The following ZNF474 variants were observed in gnomAD, a reference collection of about 807,000 sequenced individuals.
ZNF474 encodes the protein zinc finger protein 474.
For missense variants in ZNF474, 511 were observed against 433.8 expected, an observed-to-expected ratio of 1.18 and a Z score of -1.58; for synonymous variants, 192 against 162.2, an observed-to-expected ratio of 1.18 and a Z score of -1.39.
In ZNF474 at chr5:122,141,300, A is replaced by ATTTTTTTTTTTT. The variant is rs368273210; in HGVS notation, c.-212-10465_-212-10454dup. Among the ~76,000 whole-genome samples, 36 of 64,364 alleles carry ATTTTTTTTTTTT rather than the reference A, an allele frequency of 5.6e-4. 1 individual carries two copies. The highest frequency in any genetic ancestry group is 2.4e-3 in the African/African-American group (33 of 13,590). The allele number at this position is 64,364 out of a possible 152,430, so 42.2% of individuals were successfully genotyped here. A position where few individuals can be genotyped will look rare whatever the true frequency, so the allele number is the denominator to read the frequency against. The stretch of plus-strand genomic sequence containing the variant: ...CGAGTAGCTGGGATTACCCCTGGCT[A>ATTTTTTTTTTTT]TTTTTTTTTTTTTTTTTTTTTTTTT... On this transcript the variant is annotated intron_variant, in intron 1 of 1. Transcript: ENST00000296600.
chr5:122,140,094 A>G (rs1241914140), intron 1 of ZNF474, among the ~76,000 whole-genome samples: 1 of 152,226 alleles, frequency 6.6e-6, no homozygotes, highest in African/African-American at 2.4e-5. Flanking sequence ...GAGCTCTTCT[A>G]GACCCTGGAA....
intron 1 of ZNF474, among the ~76,000 whole-genome samples, chr5:122,137,015 C>A (rs575793803): frequency 2.0e-5 from 3 of 152,260 alleles, no homozygotes; most frequent in South Asian, 4.1e-4. Flanking sequence ...AAATATTACA[C>A]ATGCAAACAA....
chr5:122,152,114 T>C lies in ZNF474; in HGVS notation c.124T>C (p.Ser42Pro), dbSNP rs764456936. The C allele has an allele frequency of 2.5e-6, 4 of 1,614,156 alleles. No individual in the cohort carries two copies. Among genetic ancestry groups the C allele is most frequent in the Non-Finnish European group, 3.4e-6 (4 of 1,180,024 alleles). Reference sequence around the variant, plus strand: ...CTCTAGTGACTCCTATTCTAGCCTTTCCCCAGAAACAGAGAGTGTTAATCC... The same window carrying C: ...CTCTAGTGACTCCTATTCTAGCCTTCCCCCAGAAACAGAGAGTGTTAATCC... ...LLSSDSYSSL[S>P]PETESVNPGE... Residue 42 changes from serine (S) to proline (P), a missense_variant, in exon 2 of 2, where the codon TCC (serine) becomes CCC (proline). Transcript: ENST00000296600.
At chr5:122,136,311 T>C (rs1463438375) in intron 1 of ZNF474, among the ~76,000 whole-genome samples, 4 of 151,946 alleles carry the variant, frequency 2.6e-5, no homozygotes, top group Admixed American at 2.0e-4. Context: ...AAAAAGAAGA[T>C]ATCTGATTTC....
At chr5:122,134,977 C>G (rs1755667058) in intron 1 of ZNF474, among the ~76,000 whole-genome samples, 1 of 152,086 alleles carries the variant, frequency 6.6e-6, no homozygotes, top group African/African-American at 2.4e-5. Context: ...GCACAGGCAA[C>G]CAAAACAAAA....
Position 122,152,093 on chromosome 5 carries a change from A to G in ZNF474, c.103A>G (p.Ser35Gly). ...TATCAACCAAGCTGGGCTTCTCTCT[A>G]GTGACTCCTATTCTAGCCTTTCCCC... ...FLINQAGLLS[S>G]DSYSSLSPET... The change falls in exon 2 of 2, where the codon AGT (serine) becomes GGT (glycine). Residue 35 changes from serine (S) to glycine (G), a missense_variant. Coordinates refer to ENST00000296600, the MANE Select transcript of ZNF474 (RefSeq NM_207317.3). 1.2e-6 allele frequency: 2 copies of G among 1,614,186 alleles called. No homozygotes were observed. The highest frequency in any genetic ancestry group is 2.2e-5 in the South Asian group (2 of 91,086).
intron 1 of ZNF474, among the ~76,000 whole-genome samples, chr5:122,144,972 T>C (rs1002929064): frequency 6.6e-6 from 1 of 152,188 alleles, no homozygotes. Context: ...GTAGTTTTCA[T>C]AGGGTGATAT....
Position 122,151,705 on chromosome 5 carries a change from A to ATGTCTGTGTGTGTGTGTGTG in ZNF474, c.-212-71_-212-70insCTGTGTGTGTGTGTGTGTGT, listed in dbSNP as rs58814754. 941 of 206,078 alleles carry ATGTCTGTGTGTGTGTGTGTG rather than the reference A, an allele frequency of 4.6e-3. 15 individuals are homozygous for ATGTCTGTGTGTGTGTGTGTG. The highest frequency in any genetic ancestry group is 0.021 in the African/African-American group (854 of 40,428). 12.8% of individuals were successfully genotyped at this position (206,078 alleles called of 1,614,324 possible). A position where few individuals can be genotyped will look rare whatever the true frequency, so the allele number is the denominator to read the frequency against. ...CACACACACACACAAAACAACCTAAATGTGTGTGTGTGTGTGTGTGTGTGT... is the reference window on the plus strand; with the variant it reads ...CACACACACACACAAAACAACCTAAATGTCTGTGTGTGTGTGTGTGTGTGTGTGTGTGTGTGTGTGTGTGT... On this transcript the variant is annotated intron_variant, in intron 1 of 1. Transcript: ENST00000296600.
rs145331941 is a variant in ZNF474 at position 122,150,687 on chromosome 5, C to T, written c.-212-1092C>T. Among the ~76,000 whole-genome samples the T allele has an allele frequency of 4.5e-3, 684 of 152,238 alleles. 1 individual carries two copies. Among genetic ancestry groups the T allele is most frequent in the Non-Finnish European group, 6.0e-3 (410 of 68,016 alleles). On this transcript the variant is annotated intron_variant, in intron 1 of 1. Coordinates refer to ENST00000296600, the MANE Select transcript of ZNF474 (RefSeq NM_207317.3). ...TTTGGGGAGCCAGATTATAAACCCA[C>T]GGTAAAATTTACTCATAACTTTTCC...
chr5:122,137,988 A>G (rs1236078440), intron 1 of ZNF474, among the ~76,000 whole-genome samples: 1 of 152,246 alleles, frequency 6.6e-6, no homozygotes, highest in African/African-American at 2.4e-5. Context: ...CAGGCAAAAC[A>G]GCCAAAAGGA....
At chr5:122,141,300 A>ACTT (rs1755839307) in intron 1 of ZNF474, among the ~76,000 whole-genome samples, 7 of 64,362 alleles carry the variant, frequency 1.1e-4, no homozygotes, top group Admixed American at 2.4e-4. Context: ...ACCCCTGGCT[A>ACTT]TTTTTTTTTT....
chr5:122,131,416 T>C (rs1755574287), intron 1 of ZNF474, among the ~76,000 whole-genome samples: 1 of 152,044 alleles, frequency 6.6e-6, no homozygotes, highest in Non-Finnish European at 1.5e-5. Context: ...AAATTATCTA[T>C]CAACAGATAA....
intron 1 of ZNF474, among the ~76,000 whole-genome samples, chr5:122,149,831 G>A (rs539919546): frequency 6.6e-6 from 1 of 151,958 alleles, no homozygotes; most frequent in South Asian, 2.1e-4. Context: ...GGGGTTGCTG[G>A]GGAAAGTCAT....
At chr5:122,138,887 ACAAT>A (rs1169518322) in intron 1 of ZNF474, among the ~76,000 whole-genome samples, 1 of 152,182 alleles carries the variant, frequency 6.6e-6, no homozygotes, top group Non-Finnish European at 1.5e-5. Context: ...TATTTTCTTG[ACAAT>A]CAAGTATACA....
At position 122,152,717 on chromosome 5, in the gene ZNF474, T is replaced by C; in HGVS notation, c.727T>C (p.Cys243Arg). ...TLSLPIHEPK[C>R]LEKWKMENDR... is the part of the protein sequence containing the mutation. ...GTCCCTTCCTATTCATGAGCCCAAATGCCTGGAAAAGTGGAAAATGGAAAA... is the reference window on the plus strand; with the variant it reads ...GTCCCTTCCTATTCATGAGCCCAAACGCCTGGAAAAGTGGAAAATGGAAAA... The change falls in exon 2 of 2, where the codon TGC becomes CGC. Residue 243 changes from cysteine (C) to arginine (R), a missense_variant. Transcript: ENST00000296600. The C allele has an allele frequency of 1.9e-6, 3 of 1,614,138 alleles. No homozygotes were observed. Among genetic ancestry groups the C allele is most frequent in the Non-Finnish European group, 2.5e-6 (3 of 1,180,042 alleles).
rs370619067 is a variant in ZNF474, at chr5:122,137,301, A to G, written c.-213+7618A>G. 8.6e-5 allele frequency among the ~76,000 whole-genome samples: 13 copies of G among 152,034 alleles called. No homozygotes were observed. The South Asian group carries it at 1.5e-3, about 17-fold the overall frequency. On this transcript the variant is annotated intron_variant, in intron 1 of 1. Coordinates refer to ENST00000296600, the MANE Select transcript of ZNF474 (RefSeq NM_207317.3). ...CATCTCTACTAAAAATACAAAAATT[A>G]GCCAGGCGTGGTGGCAGGTGCCTGC...
intron 1 of ZNF474, among the ~76,000 whole-genome samples, chr5:122,150,119 C>A (rs1191554502): frequency 6.6e-6 from 1 of 152,092 alleles, no homozygotes; most frequent in African/African-American, 2.4e-5. Context: ...GCCAATAAAG[C>A]AGAATGGTTT....
chr5:122,137,286 A>G (rs1332199051), intron 1 of ZNF474, among the ~76,000 whole-genome samples: 12 of 151,774 alleles, frequency 7.9e-5, no homozygotes, highest in Admixed American at 7.9e-4. Flanking sequence ...CATCTCTACT[A>G]AAAATACAAA....
chr5:122,129,954 C>A (rs958349326), intron 1 of ZNF474, among the ~76,000 whole-genome samples: 1 of 152,010 alleles, frequency 6.6e-6, no homozygotes, highest in Admixed American at 6.6e-5. Flanking sequence ...TGGATGCTGA[C>A]AATGATGAGT....
Sources: allele counts gnomAD v4.1 joint callset (sites outside exome capture counted in the v4.1 genomes callset), GRCh38; gene constraint gnomAD v4.1.1; transcripts MANE v1.5; gene names NCBI Gene and HGNC (gene_info 2026-07-23, HGNC 2026-07-21).